GLS2: variants seen among roughly 807,000 people sequenced by gnomAD.
The protein encoded by GLS2 is glutaminase 2.
GLS2 carries 52 observed loss-of-function variants against 79.0 expected under a neutral mutation model. The ratio of observed to expected loss-of-function variants is 0.66; its 90% CI spans 0.53 to 0.83. GLS2 has a LOEUF of 0.83. GLS2 is among the 40% of genes least tolerant of loss of function. GLS2 has a pLI of 0.00. For synonymous variants in GLS2, 238 were observed against 280.8 expected (o/e 0.85, Z 1.52); for missense variants, 561 against 764.8 (o/e 0.73, Z 3.14).
intron 3 of GLS2, 35 bp from the exon 4 acceptor site, chr12:56,479,216 A>G: frequency 1.2e-6 from 2 of 1,608,502 alleles, no homozygotes; most frequent in Non-Finnish European, 1.7e-6. Context: ...AGGGGGCTAG[A>G]GAAATGCAGC....
intron 1 of GLS2, among the ~76,000 whole-genome samples, chr12:56,484,449 T>C (rs1870535187): frequency 6.6e-6 from 1 of 152,184 alleles, no homozygotes; most frequent in Non-Finnish European, 1.5e-5. Context: ...CTCAAACAGC[T>C]TGGCATAGAC....
At chr12:56,476,312 C>A in intron 7 of GLS2, 1 of 303,204 alleles carries the variant, frequency 3.3e-6, no homozygotes, top group Non-Finnish European at 6.3e-6. Flanking sequence ...CAGGCATGAG[C>A]CAGCTTGCTG....
chr12:56,475,537 C>A (rs1249492005), intron 9 of GLS2, 87 bp downstream of exon 9: 5 of 1,372,358 alleles, frequency 3.6e-6, no homozygotes, highest in Non-Finnish European at 5.1e-6. Flanking sequence ...TCCTAAGATT[C>A]TCTCTCCCCC....
intron 1 of GLS2, among the ~76,000 whole-genome samples, chr12:56,483,087 T>C (rs1037012662): frequency 4.0e-5 from 6 of 150,600 alleles, no homozygotes; most frequent in Admixed American, 1.3e-4. Context: ...TTCTTTCTTT[T>C]TTTTTTTTTT....
At chr12:56,483,031 C>T (rs1870415508) in intron 1 of GLS2, among the ~76,000 whole-genome samples, 1 of 151,972 alleles carries the variant, frequency 6.6e-6, no homozygotes, top group Non-Finnish European at 1.5e-5. Context: ...TCAAAAATAA[C>T]ATATTTACAA....
In GLS2 at chr12:56,487,932, C is replaced by A. The variant is rs1466670931; in HGVS notation, c.182+5G>T. The A allele has an allele frequency of 1.9e-6, 3 of 1,601,964 alleles. No homozygotes were observed. The South Asian group carries it at 3.3e-5, about 18-fold the overall frequency. ...CCGTCCCCTGCCCTGTCCCAGGAGCCTTACTGATCCTGGTGCTGCGGCTGG... is the reference window on the plus strand; with the variant it reads ...CCGTCCCCTGCCCTGTCCCAGGAGCATTACTGATCCTGGTGCTGCGGCTGG... On this transcript the variant is annotated splice_donor_5th_base_variant and intron_variant, in intron 1 of 17. Transcript: ENST00000311966.
intron 6 of GLS2, 43 bp downstream of exon 6, chr12:56,477,890 A>C (rs1869962623): frequency 1.4e-5 from 23 of 1,589,836 alleles, no homozygotes; most frequent in Non-Finnish European, 2.0e-5. Context: ...GATAAGGAGA[A>C]GGGGACAGCT....
chr12:56,486,228 T>C (rs1350348893), intron 1 of GLS2, among the ~76,000 whole-genome samples: 6 of 152,042 alleles, frequency 3.9e-5, no homozygotes, highest in South Asian at 2.1e-4. Flanking sequence ...GAGGATATGA[T>C]AGGGGGTTCC....
chr12:56,471,280 G>A lies in GLS2; in HGVS notation c.*207C>T. 3.7e-6 allele frequency: 2 copies of A among 547,760 alleles called. No individual in the cohort carries two copies. Among genetic ancestry groups the A allele is most frequent in the Non-Finnish European group, 6.4e-6 (2 of 314,874 alleles). 33.9% of individuals were successfully genotyped at this position (547,760 alleles called of 1,614,324 possible). On this transcript the variant is annotated 3_prime_UTR_variant, in exon 18 of 18. Transcript: ENST00000311966. ...AGTCTCTCTGGATAGCTGTACTGCA[G>A]GTGTCCTCTGAGGCCCTTCTCTGTA...
Position 56,475,039 on chromosome 12 carries a change from G to T in GLS2, c.996+5C>A, listed in dbSNP as rs1241878868. ...GGACTTTCTCTTCCGGCCTCTTCTG[G>T]TTACCTTCTTTTCCTTGAGATAATA... On this transcript the variant is annotated splice_donor_5th_base_variant and intron_variant, in intron 10 of 17. Coordinates refer to ENST00000311966, the MANE Select transcript of GLS2 (RefSeq NM_013267.4). 1 of 1,614,030 alleles carries T rather than the reference G, an allele frequency of 6.2e-7. No homozygotes were observed. The highest frequency in any genetic ancestry group is 8.5e-7 in the Non-Finnish European group (1 of 1,180,034).
intron 7 of GLS2, 46 bp from the exon 8 acceptor site, chr12:56,476,023 G>T: frequency 1.3e-6 from 2 of 1,589,432 alleles, no homozygotes; most frequent in South Asian, 1.1e-5. Flanking sequence ...GTAGGAGGAT[G>T]ACAGAGGGAA....
At chr12:56,479,961 A>C in intron 2 of GLS2, 60 bp from the exon 3 acceptor site, 1 of 1,574,694 alleles carries the variant, frequency 6.4e-7, no homozygotes, top group Non-Finnish European at 8.6e-7. Flanking sequence ...TACTCCTCAT[A>C]ATCTTTCCCA....
At chr12:56,483,502 G>A (rs752516802) in intron 1 of GLS2, among the ~76,000 whole-genome samples, 5 of 152,140 alleles carry the variant, frequency 3.3e-5, no homozygotes, top group Non-Finnish European at 7.4e-5. Context: ...AAATTGGGGT[G>A]TGCTCTAAGA....
Position 56,474,405 on chromosome 12 carries a change from G to A in GLS2, c.1224+139C>T, listed in dbSNP as rs185926014. ...GGTGTTTTTGAGAAACTCGTCTAAG[G>A]AGTCTCAACCTAATTGCCTTCCTGG... On this transcript the variant is annotated intron_variant, in intron 12 of 17. Transcript: ENST00000311966. 2,606 of 983,286 alleles carry A rather than the reference G, an allele frequency of 2.7e-3. 5 individuals are homozygous for A. The highest frequency in any genetic ancestry group is 3.7e-3 in the Middle Eastern group (12 of 3,242). 60.9% of individuals were successfully genotyped at this position (983,286 alleles called of 1,614,324 possible).
chr12:56,487,840 A>G (rs1164365008), intron 1 of GLS2, 97 bp downstream of exon 1: 5 of 1,346,474 alleles, frequency 3.7e-6, no homozygotes, highest in Non-Finnish European at 5.0e-6. Flanking sequence ...GAGAGGGGAG[A>G]TGAGCGGCGC....
intron 1 of GLS2, among the ~76,000 whole-genome samples, chr12:56,482,164 G>C (rs1323719311): frequency 1.3e-5 from 2 of 152,094 alleles, no homozygotes; most frequent in African/African-American, 4.8e-5. Flanking sequence ...CTGGGAGGTG[G>C]AGGTTATAGT....
rs1565700071 is a variant in GLS2 at position 56,471,540 on chromosome 12, C to A, written c.1756G>T (p.Ala586Ser). Residue 586 changes from alanine to serine, a missense_variant, in exon 18 of 18, where the codon GCT (alanine) becomes TCT (serine). Physicochemically the swap from Ala to Ser is moderately conservative, Grantham distance 99. Coordinates refer to ENST00000311966, the MANE Select transcript of GLS2 (RefSeq NM_013267.4). Reference sequence around the variant, plus strand: ...GACAGGGCCTCAGCTGCTGCCTCAGCCTGAGTTTCAGAGAGTGTGTAGGAG... The same window carrying A: ...GACAGGGCCTCAGCTGCTGCCTCAGACTGAGTTTCAGAGAGTGTGTAGGAG... ...QDSYTLSETQ[A>S]EAAAEALSKE... 4 of 1,614,132 alleles carry A rather than the reference C, an allele frequency of 2.5e-6. No homozygotes were observed. Among genetic ancestry groups the A allele is most frequent in the Non-Finnish European group, 3.4e-6 (4 of 1,180,016 alleles).
intron 12 of GLS2, 169 bp from the exon 13 acceptor site, chr12:56,473,763 C>T: frequency 1.4e-6 from 1 of 738,404 alleles, no homozygotes; most frequent in East Asian, 2.9e-5. Flanking sequence ...CTTTCCTTCC[C>T]TTAAATTCAT....
intron 12 of GLS2, 92 bp downstream of exon 12, chr12:56,474,452 G>T: frequency 1.3e-6 from 2 of 1,501,272 alleles, no homozygotes; most frequent in South Asian, 1.2e-5. Flanking sequence ...TGAGAGGCAG[G>T]AACAAGCTTC....
Sources: allele counts gnomAD v4.1 joint callset (sites outside exome capture counted in the v4.1 genomes callset), GRCh38; gene constraint gnomAD v4.1.1; transcripts MANE v1.5; gene names NCBI Gene and HGNC (gene_info 2026-07-23, HGNC 2026-07-21).